DYRK4: variants seen among roughly 807,000 people sequenced by gnomAD.
The protein encoded by DYRK4 is dual specificity tyrosine-phosphorylation-regulated kinase 4.
A neutral mutation model predicts 68.3 loss-of-function variants in DYRK4; 64 were observed. That is an observed-to-expected ratio of 0.94 (90% CI 0.77 to 1.15). The LOEUF is 1.15. Among genes scored for constraint, DYRK4 ranks in the 50% most tolerant of loss-of-function variants. The probability of loss-of-function intolerance (pLI) is 0.00; values close to 1 mark genes in which losing one functional copy is unlikely to be tolerated. For synonymous variants in DYRK4, 274 were observed against 289.9 expected (o/e 0.95, Z 0.56); for missense variants, 740 against 764.7 (o/e 0.97, Z 0.38).
Position 4,613,279 on chromosome 12 carries a change from C to T in DYRK4, c.1667-236C>T, listed in dbSNP as rs535265566. Among the ~76,000 whole-genome samples the T allele has an allele frequency of 6.6e-6, 1 of 152,260 alleles. No individual in the cohort carries two copies. The highest frequency in any genetic ancestry group is 2.4e-5 in the African/African-American group (1 of 41,538). ...TTAACCTCTCTGTAGCTCAGTATCT[C>T]CATTTATGAGAATGAGAATAAAGCC... On this transcript the variant is annotated intron_variant, in intron 14 of 14. Coordinates refer to ENST00000543431, the MANE Select transcript of DYRK4 (RefSeq NM_001394779.1). The surrounding 1 kb of genome is among the most constrained non-coding windows in gnomAD (Gnocchi z 4.0).
At chr12:4,569,076 C>T (rs549209386) in intron 2 of DYRK4, among the ~76,000 whole-genome samples, 173 of 152,282 alleles carry the variant, frequency 1.1e-3, no homozygotes, top group South Asian at 3.9e-3. Context: ...CTTTAGGTTT[C>T]CTCTTCCAAG....
chr12:4,562,903 T>C (rs1349952481), intron 1 of DYRK4, among the ~76,000 whole-genome samples: 2 of 152,204 alleles, frequency 1.3e-5, no homozygotes, highest in East Asian at 3.9e-4. Flanking sequence ...AGATGAACAA[T>C]GCACAATTTG....
intron 2 of DYRK4, among the ~76,000 whole-genome samples, chr12:4,578,986 C>T (rs1332439134): frequency 6.6e-6 from 1 of 152,166 alleles, no homozygotes; most frequent in Non-Finnish European, 1.5e-5. Context: ...GTGACATAAA[C>T]TGCAAATGGG....
intron 10 of DYRK4, among the ~76,000 whole-genome samples, chr12:4,604,136 G>A (rs919565551): frequency 3.3e-5 from 5 of 152,156 alleles, no homozygotes; most frequent in African/African-American, 1.2e-4. Flanking sequence ...ACTTGGAATC[G>A]TGCCTGGCAC....
intron 10 of DYRK4, among the ~76,000 whole-genome samples, chr12:4,604,132 A>C (rs181021350): frequency 1.3e-5 from 2 of 152,370 alleles, no homozygotes; most frequent in Non-Finnish European, 2.9e-5. Context: ...AAGTACTTGG[A>C]ATCGTGCCTG....
chr12:4,600,414 T>C (rs541403661), intron 10 of DYRK4, among the ~76,000 whole-genome samples: 7 of 151,762 alleles, frequency 4.6e-5, no homozygotes, highest in Admixed American at 2.0e-4. Flanking sequence ...TTGCTTACTA[T>C]CTAATGTAAG....
At position 4,599,724 on chromosome 12, in the gene DYRK4, C is replaced by A; in HGVS notation, c.1062C>A (p.Tyr354Ter). 1 of 1,613,864 alleles carries A rather than the reference C, an allele frequency of 6.2e-7. No individual in the cohort carries two copies. ...CDLKPENIVL[Y>*]QKGQASVKVI... ...CTCTCTAGGAAAATATAGTGCTATA[C>A]CAAAAGGGCCAAGCCTCTGTTAAAG... The change falls in exon 10 of 15, where the codon TAC becomes TAA. Residue 354 changes from tyrosine to a stop codon, truncating the protein, a stop_gained. Coordinates refer to ENST00000543431, the MANE Select transcript of DYRK4 (RefSeq NM_001394779.1). LOFTEE classifies it high-confidence loss of function.
intron 2 of DYRK4, among the ~76,000 whole-genome samples, chr12:4,586,426 T>C (rs1944896985): frequency 6.6e-6 from 1 of 152,144 alleles, no homozygotes. Context: ...TCATGAAAGC[T>C]CACTTTCTTC....
At chr12:4,587,033 C>T (rs1944904630) in intron 2 of DYRK4, among the ~76,000 whole-genome samples, 2 of 151,858 alleles carry the variant, frequency 1.3e-5, no homozygotes, top group South Asian at 2.1e-4. Context: ...TTTTAGAGTC[C>T]ATACCCATGA....
intron 2 of DYRK4, among the ~76,000 whole-genome samples, chr12:4,575,322 T>TGTGTGTG (rs71061193): frequency 6.6e-6 from 1 of 151,736 alleles, no homozygotes; most frequent in Non-Finnish European, 1.5e-5. Flanking sequence ...TGTGTGTGTG[T>TGTGTGTG]TTTCGAAACG....
At chr12:4,562,752 C>A (rs1944640536) in intron 1 of DYRK4, among the ~76,000 whole-genome samples, 1 of 152,246 alleles carries the variant, frequency 6.6e-6, no homozygotes, top group Admixed American at 6.5e-5. Context: ...ATGTTCCCAC[C>A]CAGCCCATAT....
At chr12:4,580,617 C>G (rs1452326306) in intron 2 of DYRK4, among the ~76,000 whole-genome samples, 3 of 152,138 alleles carry the variant, frequency 2.0e-5, no homozygotes, top group Non-Finnish European at 4.4e-5. Flanking sequence ...TGCAGAAAAT[C>G]CCCAAAGAGT....
At chr12:4,571,672 A>T (rs1343730918) in intron 2 of DYRK4, among the ~76,000 whole-genome samples, 1 of 152,232 alleles carries the variant, frequency 6.6e-6, no homozygotes, top group Non-Finnish European at 1.5e-5. Context: ...ATAAAGTTGT[A>T]AAATAATTTT....
intron 8 of DYRK4, chr12:4,597,063 C>A: frequency 8.8e-7 from 1 of 1,139,036 alleles, no homozygotes; most frequent in Non-Finnish European, 1.1e-6. Context: ...ATTTTCCCCA[C>A]TCATTGGCTT....
In DYRK4 at chr12:4,599,724, C is replaced by T. The variant is rs137917521; in HGVS notation, c.1062C>T (p.Tyr354=). 64 of 1,613,746 alleles carry T rather than the reference C, an allele frequency of 4.0e-5. No individual in the cohort carries two copies. Among genetic ancestry groups the T allele is most frequent in the Non-Finnish European group, 5.1e-5 (60 of 1,179,858 alleles). The change falls in exon 10 of 15, where the codon TAC becomes TAT. Residue 354 remains tyrosine (Y), a synonymous_variant. Coordinates refer to ENST00000543431, the MANE Select transcript of DYRK4 (RefSeq NM_001394779.1). ...CTCTCTAGGAAAATATAGTGCTATA[C>T]CAAAAGGGCCAAGCCTCTGTTAAAG... ...CDLKPENIVL[Y]QKGQASVKVI... is the part of the protein sequence containing the mutation.
intron 2 of DYRK4, 84 bp downstream of exon 2, chr12:4,568,132 C>A: frequency 7.9e-7 from 1 of 1,265,366 alleles, no homozygotes; most frequent in Non-Finnish European, 1.1e-6. Flanking sequence ...GATGGTTGTG[C>A]CCCAAGCACC....
At chr12:4,608,831 C>T (rs1400539849) in intron 12 of DYRK4, among the ~76,000 whole-genome samples, 2 of 152,190 alleles carry the variant, frequency 1.3e-5, no homozygotes, top group Non-Finnish European at 2.9e-5. Flanking sequence ...GTCCTGGTTG[C>T]CATAGAATGG....
intron 11 of DYRK4, among the ~76,000 whole-genome samples, chr12:4,606,051 T>G (rs1945146135): frequency 6.6e-6 from 1 of 152,216 alleles, no homozygotes; most frequent in Non-Finnish European, 1.5e-5. Flanking sequence ...CAGGCATTAG[T>G]CATTCATTAT....
Position 4,613,368 on chromosome 12 carries a change from C to G in DYRK4, c.1667-147C>G. ...AAATGTACAGTGCTTAGAATAATGC[C>G]CGGCACATTGGAGGTGCTTTACAAA... On this transcript the variant is annotated intron_variant, in intron 14 of 14. Coordinates refer to ENST00000543431, the MANE Select transcript of DYRK4 (RefSeq NM_001394779.1). The surrounding 1 kb of genome is among the most constrained non-coding windows in gnomAD (Gnocchi z 4.0). The G allele has an allele frequency of 9.9e-7, 1 of 1,009,378 alleles. No individual in the cohort carries two copies. Among genetic ancestry groups the G allele is most frequent in the Non-Finnish European group, 1.4e-6 (1 of 704,270 alleles). 62.5% of individuals were successfully genotyped at this position (1,009,378 alleles called of 1,614,324 possible).
Sources: allele counts gnomAD v4.1 joint callset (sites outside exome capture counted in the v4.1 genomes callset), GRCh38; gene constraint gnomAD v4.1.1; non-coding constraint Gnocchi (gnomAD v3.1); transcripts MANE v1.5; gene names NCBI Gene and HGNC (gene_info 2026-07-23, HGNC 2026-07-21).